Variants in SULF2 observed in about 807,000 individuals in gnomAD.
SULF2 encodes extracellular sulfatase Sulf-2.
Under a neutral mutation model 107.7 loss-of-function variants are expected in SULF2, and 52 were observed. The observed-to-expected ratio is 0.48, with a 90% CI of 0.39 to 0.61. The LOEUF is 0.61. Among genes scored for constraint, SULF2 ranks in the 20% least tolerant of loss-of-function variants. The probability of loss-of-function intolerance (pLI) is 0.00; values close to 1 mark genes in which losing one functional copy is unlikely to be tolerated. For synonymous variants in SULF2, 460 were observed against 464.3 expected (o/e 0.99, Z 0.12); for missense variants, 993 against 1,177.3 (o/e 0.84, Z 2.29).
intron 1 of SULF2, among the ~76,000 whole-genome samples, chr20:47,768,238 T>C (rs962846811): frequency 2.0e-5 from 3 of 152,176 alleles, no homozygotes; most frequent in African/African-American, 7.2e-5. Flanking sequence ...TGCTGTGAAA[T>C]GCACCATACT....
intron 8 of SULF2, chr20:47,677,830 G>T: frequency 6.6e-6 from 1 of 152,612 alleles, no homozygotes; most frequent in Non-Finnish European, 1.5e-5. Context: ...AGCTTGCCTG[G>T]CCTCACAGTC....
intron 20 of SULF2, 76 bp downstream of exon 20, chr20:47,659,323 A>G: frequency 7.5e-7 from 1 of 1,328,258 alleles, no homozygotes. Flanking sequence ...AAGAAATGGC[A>G]TGCAAATAGA....
intron 5 of SULF2, among the ~76,000 whole-genome samples, chr20:47,688,643 T>C (rs1602649947): frequency 6.6e-6 from 1 of 152,060 alleles, no homozygotes; most frequent in African/African-American, 2.4e-5. Flanking sequence ...AGGCTGGCCT[T>C]CTTGGGTGGA....
At chr20:47,767,435 C>G (rs6094823) in intron 1 of SULF2, among the ~76,000 whole-genome samples, 7,234 of 152,004 alleles carry the variant, frequency 0.048, 213 homozygotes, top group Admixed American at 0.083. Flanking sequence ...ATTTGAGGTC[C>G]AGAGTTTGAG....
At chr20:47,697,449 G>T (rs1189094458) in intron 4 of SULF2, among the ~76,000 whole-genome samples, 1 of 152,206 alleles carries the variant, frequency 6.6e-6, no homozygotes, top group Non-Finnish European at 1.5e-5. Flanking sequence ...CTTGCCAGAG[G>T]CATCTTACTG....
chr20:47,709,479 CTTAT>C (rs1214689472), intron 3 of SULF2, among the ~76,000 whole-genome samples: 1 of 152,168 alleles, frequency 6.6e-6, no homozygotes, highest in Non-Finnish European at 1.5e-5. Flanking sequence ...CCAACACTTC[CTTAT>C]TTAAGTTGCA....
chr20:47,743,118 T>C (rs939004220), intron 2 of SULF2, among the ~76,000 whole-genome samples: 3 of 151,886 alleles, frequency 2.0e-5, no homozygotes, highest in Non-Finnish European at 4.4e-5. Flanking sequence ...TTTCTTAAAA[T>C]TATAGATATT....
At chr20:47,672,476 G>A (rs1193148896) in intron 10 of SULF2, 83 bp from the exon 11 acceptor site, 3 of 1,466,210 alleles carry the variant, frequency 2.0e-6, no homozygotes, top group African/African-American at 2.8e-5. Context: ...ATCCACCCTG[G>A]AGACATCCCT....
rs373491304 is a variant in SULF2, at chr20:47,683,025, C to A, written c.1033G>T (p.Val345Leu). Reference protein sequence around the residue: ...YEFDIRVPFYVRGPNVEAGCL... With the variant: ...YEFDIRVPFYLRGPNVEAGCL... ...CCGGCTTCCACGTTGGGGCCCCTCA[C>A]GTAGAACGGGACCCTGATGTCAAAC... The change falls in exon 7 of 21, where the codon GTG (valine) becomes TTG (leucine). Residue 345 changes from valine to leucine, a missense_variant. By Grantham distance (32) the Val-to-Leu change is conservative. Transcript: ENST00000688720. 1 of 1,612,368 alleles carries A rather than the reference C, an allele frequency of 6.2e-7. No individual in the cohort carries two copies. The highest frequency in any genetic ancestry group is 1.1e-5 in the South Asian group (1 of 90,950).
At chr20:47,759,597 C>A (rs1396780931) in intron 1 of SULF2, among the ~76,000 whole-genome samples, 1 of 152,216 alleles carries the variant, frequency 6.6e-6, no homozygotes, top group Non-Finnish European at 1.5e-5. Context: ...GAGGCTGAGG[C>A]AGGAGAATCG....
At chr20:47,676,307 G>C (rs992287763) in intron 10 of SULF2, among the ~76,000 whole-genome samples, 187 bp downstream of exon 10, 1 of 152,242 alleles carries the variant, frequency 6.6e-6, no homozygotes, top group Admixed American at 6.5e-5. Flanking sequence ...AGGCTGCTGA[G>C]AAATGAATCA....
At chr20:47,722,499 T>C (rs2089321876) in intron 3 of SULF2, among the ~76,000 whole-genome samples, 1 of 152,048 alleles carries the variant, frequency 6.6e-6, no homozygotes, top group Admixed American at 6.5e-5. Flanking sequence ...TGGGCTCAAG[T>C]GATCCTCCCA....
At chr20:47,698,221 C>T (rs895569095) in intron 4 of SULF2, among the ~76,000 whole-genome samples, 1 of 152,354 alleles carries the variant, frequency 6.6e-6, no homozygotes, top group East Asian at 1.9e-4. Flanking sequence ...CCTAGTCAGC[C>T]TTCTCCTGGT....
At chr20:47,747,786 T>C (rs1322135666) in intron 2 of SULF2, among the ~76,000 whole-genome samples, 1 of 151,848 alleles carries the variant, frequency 6.6e-6, no homozygotes, top group African/African-American at 2.4e-5. Flanking sequence ...TAAATGGCAC[T>C]GCCATCTGCC....
chr20:47,682,781 C>T (rs1332085898), intron 7 of SULF2, among the ~76,000 whole-genome samples: 1 of 152,204 alleles, frequency 6.6e-6, no homozygotes. Context: ...TACGGCCCCA[C>T]CACACCTGTT....
rs78728159 is a variant in SULF2 at position 47,737,698 on chromosome 20, T to C, written c.176-756A>G. ...TTGCAGCATGTGTCCTGAGTACTGA[T>C]CATACCCCAGGCTTCGAGGTTTCGG... On this transcript the variant is annotated intron_variant, in intron 2 of 20. Coordinates refer to ENST00000688720, the MANE Select transcript of SULF2 (RefSeq NM_001387048.1). Among the ~76,000 whole-genome samples, 431 of 151,530 alleles carry C rather than the reference T, an allele frequency of 2.8e-3. 5 individuals are homozygous for C. In the East Asian group the frequency reaches 0.038, roughly 13 times the overall value.
chr20:47,658,503 A>G (rs952841841), intron 20 of SULF2, 111 bp from the exon 21 acceptor site: 4 of 1,191,658 alleles, frequency 3.4e-6, no homozygotes, highest in Non-Finnish European at 5.0e-6. Context: ...CTGAGAATGA[A>G]TATTTCTAGG....
At chr20:47,731,373 A>T (rs2089608073) in intron 3 of SULF2, among the ~76,000 whole-genome samples, 1 of 151,474 alleles carries the variant, frequency 6.6e-6, no homozygotes, top group Non-Finnish European at 1.5e-5. Context: ...TTGTATTTTT[A>T]GTAGAGACGG....
chr20:47,674,624 GAGAC>G (rs1159659786), intron 10 of SULF2, among the ~76,000 whole-genome samples: 1 of 152,216 alleles, frequency 6.6e-6, no homozygotes, highest in Admixed American at 6.5e-5. Flanking sequence ...GTGTCACCGG[GAGAC>G]AGACAGATGC....
Sources: gnomAD v4.1 joint callset for allele counts (sites outside exome capture counted in the v4.1 genomes callset) on GRCh38, gnomAD v4.1.1 for gene constraint, MANE v1.5 for transcripts, NCBI Gene and HGNC (gene_info 2026-07-23, HGNC 2026-07-21) for gene names.